The following RBFOX1 variants were observed in gnomAD, a reference collection of about 807,000 sequenced individuals.
RBFOX1 encodes RNA binding fox-1 homolog 1.
A neutral mutation model predicts 57.7 loss-of-function variants in RBFOX1; 8 were observed. That is an observed-to-expected ratio of 0.14 (90% CI 0.08 to 0.25). RBFOX1 has a LOEUF of 0.25. RBFOX1 is among the 10% of genes least tolerant of loss of function. The pLI is 1.00. For synonymous variants in RBFOX1, 326 were observed against 222.4 expected (o/e 1.47, Z -4.15); for missense variants, 611 against 548.5 (o/e 1.11, Z -1.14).
Position 6,712,762 on chromosome 16 carries a change from C to G in RBFOX1, c.-16+58112C>G, listed in dbSNP as rs890055121. Among the ~76,000 whole-genome samples the G allele has an allele frequency of 4.6e-4, 70 of 152,170 alleles. No individual in the cohort carries two copies. The East Asian group carries it at 4.6e-3, about 10-fold the overall frequency. On this transcript the variant is annotated intron_variant, in intron 3 of 15. Transcript: ENST00000550418. ...CCTGGCAGCTGGACTATAAAATATT[C>G]CACTTACCAGTTGATATGGTTTGGC...
chr16:6,948,724 T>C (rs146863191), intron 3 of RBFOX1, among the ~76,000 whole-genome samples: 2 of 152,270 alleles, frequency 1.3e-5, no homozygotes, highest in East Asian at 3.9e-4. Flanking sequence ...ATCATTTGAC[T>C]ATGTTTTGAA....
At position 5,889,769 on chromosome 16, in the gene RBFOX1, G is replaced by A. The variant is rs571656020; in HGVS notation, c.351+22434G>A. 9.8e-5 allele frequency among the ~76,000 whole-genome samples: 15 copies of A among 152,328 alleles called. 1 individual carries two copies. The South Asian group carries it at 3.1e-3, about 32-fold the overall frequency. On this transcript the variant is annotated intron_variant, in intron 4 of 19. Transcript: ENST00000641259. ...GGGAAGGCCTCTTTGAGGAACTAAT[G>A]TTTTGATCAAGGCCTGAGAGAGATG... is the stretch of plus-strand genomic sequence containing the variant.
At chr16:7,008,342 G>T (rs1447548774) in intron 3 of RBFOX1, among the ~76,000 whole-genome samples, 1 of 152,042 alleles carries the variant, frequency 6.6e-6, no homozygotes, top group African/African-American at 2.4e-5. Flanking sequence ...AGGAGTTTGA[G>T]ACCATTCTGG....
chr16:6,917,306 G>C (rs1364602718), intron 3 of RBFOX1, among the ~76,000 whole-genome samples: 4 of 152,188 alleles, frequency 2.6e-5, no homozygotes, highest in Admixed American at 1.3e-4. Flanking sequence ...ACTGAACAGA[G>C]GATGTCACAG....
intron 1 of RBFOX1, among the ~76,000 whole-genome samples, chr16:6,200,067 G>C (rs894008761): frequency 1.3e-5 from 2 of 152,158 alleles, no homozygotes; most frequent in African/African-American, 4.8e-5. Flanking sequence ...GAGATGTCTA[G>C]AGGGTGCTGG....
chr16:5,275,722 T>C (rs1443513336), intron 1 of RBFOX1, among the ~76,000 whole-genome samples: 1 of 152,200 alleles, frequency 6.6e-6, no homozygotes, highest in East Asian at 1.9e-4. Context: ...AGAGTCTGCA[T>C]AGCCAAAGCA....
chr16:6,979,627 C>T (rs2088118290), intron 3 of RBFOX1, among the ~76,000 whole-genome samples: 1 of 152,090 alleles, frequency 6.6e-6, no homozygotes, highest in Non-Finnish European at 1.5e-5. Flanking sequence ...TTGGGGAGCT[C>T]AGAACTTTCT....
intron 4 of RBFOX1, among the ~76,000 whole-genome samples, chr16:7,085,257 G>C (rs1210278583): frequency 1.3e-5 from 2 of 152,008 alleles, no homozygotes; most frequent in Non-Finnish European, 2.9e-5. Context: ...TAGAGAACTG[G>C]AACATGTTTG....
At chr16:5,681,835 G>A (rs764742582) in intron 3 of RBFOX1, among the ~76,000 whole-genome samples, 2 of 152,172 alleles carry the variant, frequency 1.3e-5, no homozygotes, top group Non-Finnish European at 2.9e-5. Flanking sequence ...ATATACGGGA[G>A]TGGGGGAGGG....
intron 1 of RBFOX1, among the ~76,000 whole-genome samples, chr16:6,153,669 G>A (rs2096817453): frequency 1.3e-5 from 2 of 151,988 alleles, no homozygotes; most frequent in Non-Finnish European, 2.9e-5. Flanking sequence ...CCTAGTAGCT[G>A]GGATTACAGG....
intron 4 of RBFOX1, among the ~76,000 whole-genome samples, chr16:7,423,781 G>T (rs575769932): frequency 3.3e-5 from 5 of 152,112 alleles, no homozygotes; most frequent in Non-Finnish European, 7.3e-5. Flanking sequence ...CTGCTTTGAA[G>T]GATTTCTTTC....
intron 3 of RBFOX1, among the ~76,000 whole-genome samples, chr16:6,897,366 G>C (rs1383430832): frequency 6.6e-6 from 1 of 151,314 alleles, no homozygotes; most frequent in African/African-American, 2.4e-5. Flanking sequence ...TCGTGCCATT[G>C]CACTCCAGCC....
At position 6,982,759 on chromosome 16, in the gene RBFOX1, G is replaced by A. The variant is rs1015713633; in HGVS notation, c.-15-69298G>A. 3.9e-5 allele frequency among the ~76,000 whole-genome samples: 6 copies of A among 152,116 alleles called. No homozygotes were observed. The South Asian group carries it at 8.3e-4, about 21-fold the overall frequency. The stretch of plus-strand genomic sequence containing the variant: ...TGTAATCCCAACACTTTGGGAGGTC[G>A]AGGCAGGTGGATCACCTGAGGTCAG... On this transcript the variant is annotated intron_variant, in intron 3 of 15. Coordinates refer to ENST00000550418, the MANE Select transcript of RBFOX1 (RefSeq NM_018723.4).
chr16:7,423,683 G>C (rs1225703518), intron 4 of RBFOX1, among the ~76,000 whole-genome samples: 2 of 152,144 alleles, frequency 1.3e-5, no homozygotes, highest in Non-Finnish European at 2.9e-5. Flanking sequence ...TCTGGGTTCT[G>C]ATTCGCTGAC....
intron 2 of RBFOX1, among the ~76,000 whole-genome samples, chr16:6,479,340 G>T (rs1173238795): frequency 6.6e-6 from 1 of 152,158 alleles, no homozygotes; most frequent in Non-Finnish European, 1.5e-5. Context: ...AAAACCATCA[G>T]ATCTCAGGAC....
intron 1 of RBFOX1, among the ~76,000 whole-genome samples, chr16:6,157,586 C>A (rs1045111466): frequency 4.6e-5 from 7 of 152,046 alleles, no homozygotes; most frequent in African/African-American, 1.7e-4. Flanking sequence ...ATACTAAATA[C>A]CCAGCCACCA....
intron 4 of RBFOX1, among the ~76,000 whole-genome samples, chr16:7,283,862 C>T (rs1010669382): frequency 6.6e-6 from 1 of 152,130 alleles, no homozygotes; most frequent in African/African-American, 2.4e-5. Context: ...TAAGTGCATA[C>T]AGTGATGTAA....
chr16:7,426,581 G>T (rs912687297), intron 4 of RBFOX1, among the ~76,000 whole-genome samples: 5 of 152,166 alleles, frequency 3.3e-5, no homozygotes, highest in Non-Finnish European at 5.9e-5. Flanking sequence ...AAATAGATGC[G>T]CCAAGGGAGA....
intron 1 of RBFOX1, among the ~76,000 whole-genome samples, chr16:6,064,195 AG>A (rs1240854987): frequency 2.6e-5 from 4 of 152,184 alleles, no homozygotes; most frequent in Admixed American, 6.6e-5. Flanking sequence ...GCATTATGAA[AG>A]GGGTTGAAAG....
Sources: gnomAD v4.1 joint callset for allele counts (sites outside exome capture counted in the v4.1 genomes callset) on GRCh38, gnomAD v4.1.1 for gene constraint, MANE v1.5 for transcripts, NCBI Gene and HGNC (gene_info 2026-07-23, HGNC 2026-07-21) for gene names.